PCDH15: variants seen among roughly 807,000 people sequenced by gnomAD.
PCDH15 encodes the protein protocadherin related 15, also known as protocadherin-15.
In PCDH15, 129 loss-of-function variants were observed where a neutral mutation model predicts 178.5. That is an observed-to-expected ratio of 0.72 (90% confidence interval 0.63 to 0.84). The LOEUF is 0.84. Ranked by LOEUF, PCDH15 falls within the 40% of genes least tolerant of loss-of-function variation. The probability of loss-of-function intolerance (pLI) is 0.00; values close to 1 mark genes in which losing one functional copy is unlikely to be tolerated. For synonymous variants in PCDH15, 800 were observed against 732.0 expected, an observed-to-expected ratio of 1.09 and a Z score of -1.50; for missense variants, 2,230 against 2,099.9, an observed-to-expected ratio of 1.06 and a Z score of -1.21.
At chr10:54,480,121 C>A (rs985180836) in intron 3 of PCDH15, among the ~76,000 whole-genome samples, 1 of 152,056 alleles carries the variant, frequency 6.6e-6, no homozygotes, top group Admixed American at 6.6e-5. Context: ...GGTAGAATCA[C>A]GATCAAGTGA....
chr10:54,338,038 C>G (rs1941530398), intron 6 of PCDH15, among the ~76,000 whole-genome samples: 1 of 152,154 alleles, frequency 6.6e-6, no homozygotes, highest in Admixed American at 6.6e-5. Flanking sequence ...CACACAAATA[C>G]AAACAGATTC....
In PCDH15 at chr10:53,804,060, T is replaced by C. The variant is rs1404379997; in HGVS notation, c.*2519A>G. On this transcript the variant is annotated 3_prime_UTR_variant, in exon 38 of 38. Transcript: ENST00000644397. ...AGTGAAAGTTCTATGAAAGTAACTA[T>C]TTAATTGATCCAGATTTATTTAGTT... The C allele has an allele frequency of 1.3e-5, 2 of 151,988 alleles. No individual in the cohort carries two copies. The highest frequency in any genetic ancestry group is 2.9e-5 in the Non-Finnish European group (2 of 67,908). 9.4% of individuals were successfully genotyped at this position (151,988 alleles called of 1,614,324 possible). A position where few individuals can be genotyped will look rare whatever the true frequency, so the allele number is the denominator to read the frequency against.
chr10:55,470,704 C>T (rs1181686755), intron 2 of PCDH15, among the ~76,000 whole-genome samples: 1 of 152,100 alleles, frequency 6.6e-6, no homozygotes, highest in Non-Finnish European at 1.5e-5. Context: ...TTGACTCTTG[C>T]TGTTGTACAT....
intron 26 of PCDH15, among the ~76,000 whole-genome samples, chr10:53,880,025 G>A (rs896080893): frequency 6.6e-6 from 1 of 152,120 alleles, no homozygotes; most frequent in African/African-American, 2.4e-5. Flanking sequence ...TCTGCATTTT[G>A]TATTTGTACT....
chr10:54,702,042 C>G (rs1451485316), intron 1 of PCDH15, among the ~76,000 whole-genome samples: 1 of 152,016 alleles, frequency 6.6e-6, no homozygotes, highest in Non-Finnish European at 1.5e-5. Context: ...ATATAATCAA[C>G]CACACAATCA....
rs17556457 is a variant in PCDH15 at position 53,844,493 on chromosome 10, T to A, written c.3807-3997A>T. ...CACAAAAAATCAAGAAACAGAAAAT[T>A]TGCTTTTTTGGAAAAAACATGATAT... On this transcript the variant is annotated intron_variant, in intron 28 of 37. Coordinates refer to ENST00000644397, the MANE Select transcript of PCDH15 (RefSeq NM_001384140.1). Among the ~76,000 whole-genome samples, 96 of 151,940 alleles carry A rather than the reference T, an allele frequency of 6.3e-4. No individual in the cohort carries two copies. In the East Asian group the frequency reaches 0.017, roughly 27 times the overall value.
At chr10:55,417,171 C>T (rs1252062732) in intron 2 of PCDH15, among the ~76,000 whole-genome samples, 1 of 151,738 alleles carries the variant, frequency 6.6e-6, no homozygotes, top group Non-Finnish European at 1.5e-5. Context: ...TGGCACATAG[C>T]CACTCTTTAA....
At chr10:54,792,365 C>T (rs1951499808) in intron 1 of PCDH15, among the ~76,000 whole-genome samples, 1 of 151,944 alleles carries the variant, frequency 6.6e-6, no homozygotes, top group Non-Finnish European at 1.5e-5. Context: ...GTAGCTGCCA[C>T]TAAATTCATC....
Position 53,827,406 on chromosome 10 carries a change from C to T in PCDH15, c.4354G>A (p.Gly1452Arg). 6.2e-7 allele frequency: 1 copy of T among 1,612,570 alleles called. No homozygotes were observed. Among genetic ancestry groups the T allele is most frequent in the Non-Finnish European group, 8.5e-7 (1 of 1,179,056 alleles). Residue 1452 changes from glycine (G) to arginine (R), a missense_variant, in exon 32 of 38, where the codon GGA becomes AGA. Coordinates refer to ENST00000644397, the MANE Select transcript of PCDH15 (RefSeq NM_001384140.1). Reference protein sequence around the residue: ...PPGAHLYEELGDSSIWSFCWQ... With the variant: ...PPGAHLYEELRDSSIWSFCWQ... ...CGGTCTACTTACATTGAGCTGTCTC[C>T]AAGTTCTTCATAGAGATGCGCACCT...
At chr10:54,604,421 G>A (rs529669847) in intron 2 of PCDH15, among the ~76,000 whole-genome samples, 3 of 151,964 alleles carry the variant, frequency 2.0e-5, no homozygotes, top group Admixed American at 6.6e-5. Context: ...CTCCAGTTCT[G>A]TCAGTGTTTG....
intron 2 of PCDH15, among the ~76,000 whole-genome samples, chr10:55,433,026 AAAAAC>A (rs71461301): frequency 3.2e-4 from 37 of 115,482 alleles, no homozygotes; most frequent in Non-Finnish European, 4.4e-4. Flanking sequence ...TCCGTCTCAA[AAAAAC>A]AAAACAAAAC....
chr10:54,423,693 C>G (rs1273871700), intron 3 of PCDH15, among the ~76,000 whole-genome samples: 1 of 151,828 alleles, frequency 6.6e-6, no homozygotes, highest in Non-Finnish European at 1.5e-5. Flanking sequence ...AACCTTTGTT[C>G]TCTTTGTTTG....
At chr10:55,038,737 G>A (rs781458176) in intron 2 of PCDH15, among the ~76,000 whole-genome samples, 5 of 152,106 alleles carry the variant, frequency 3.3e-5, no homozygotes, top group Non-Finnish European at 7.4e-5. Flanking sequence ...GGTGAAACCT[G>A]AAACTTTTCA....
chr10:54,728,229 A>T (rs1942849444), intron 1 of PCDH15, among the ~76,000 whole-genome samples: 1 of 151,452 alleles, frequency 6.6e-6, no homozygotes. Context: ...AAAGTTAATC[A>T]ACCAAAATTA....
In PCDH15 at chr10:53,855,904, G is replaced by GTATATATATATATA. The variant is rs56290679; in HGVS notation, c.3806+1257_3806+1270dup. Among the ~76,000 whole-genome samples, 478 of 109,652 alleles carry GTATATATATATATA rather than the reference G, an allele frequency of 4.4e-3. 31 individuals carry two copies. The highest frequency in any genetic ancestry group is 0.011 in the East Asian group (11 of 998). The allele number at this position is 109,652 out of a possible 152,430, so 71.9% of individuals were successfully genotyped here. On this transcript the variant is annotated intron_variant, in intron 28 of 37. Transcript: ENST00000644397. ...TAAAAGTTAAAAAAAAAGGTGATAT[G>GTATATATATATATA]TATATATATATATATATGTATGTGT...
chr10:53,938,676 A>G (rs1475929711), intron 25 of PCDH15, 139 bp downstream of exon 25: 1 of 904,138 alleles, frequency 1.1e-6, no homozygotes, highest in African/African-American at 1.7e-5. Flanking sequence ...TGTTTAAACG[A>G]ATAGGCAATC....
intron 2 of PCDH15, among the ~76,000 whole-genome samples, chr10:55,498,419 G>A (rs897464383): frequency 1.6e-4 from 24 of 151,952 alleles, no homozygotes; most frequent in African/African-American, 5.8e-4. Flanking sequence ...TTTATAAAGT[G>A]TGTTCACTTA....
chr10:54,318,406 A>C (rs1804036944), intron 7 of PCDH15, among the ~76,000 whole-genome samples: 2 of 152,206 alleles, frequency 1.3e-5, no homozygotes, highest in African/African-American at 4.8e-5. Context: ...GTTCAGATCT[A>C]GTCTGTATTC....
rs181049177 is a variant in PCDH15 at position 54,667,613 on chromosome 10, G to T, written c.-28-3323C>A. On this transcript the variant is annotated intron_variant, in intron 1 of 37. Transcript: ENST00000644397. ...CTAAGTGACTGTAGGTAAATGAAAA[G>T]CCTGTCAAACAACACCTCTATGGTG... 3.1e-3 allele frequency among the ~76,000 whole-genome samples: 468 copies of T among 152,124 alleles called. 2 individuals carry two copies. The highest frequency in any genetic ancestry group is 0.011 in the African/African-American group (454 of 41,544).
Sources: allele counts gnomAD v4.1 joint callset (sites outside exome capture counted in the v4.1 genomes callset), GRCh38; gene constraint gnomAD v4.1.1; transcripts MANE v1.5; gene names NCBI Gene and HGNC (gene_info 2026-07-23, HGNC 2026-07-21).